ARMC3: variants seen among roughly 807,000 people sequenced by gnomAD.
ARMC3 encodes armadillo repeat-containing protein 3.
A neutral mutation model predicts 90.3 loss-of-function variants in ARMC3; 74 were observed. The ratio of observed to expected loss-of-function variants is 0.82; its 90% CI spans 0.68 to 0.99. The LOEUF (loss-of-function observed/expected upper bound fraction) is 0.99, where lower values mean the gene tolerates loss of function less well. ARMC3 is among the 50% of genes least tolerant of loss of function. ARMC3 has a pLI of 0.00. For synonymous variants in ARMC3, 334 were observed against 361.8 expected (o/e 0.92, Z 0.87); for missense variants, 958 against 1,042.8 (o/e 0.92, Z 1.12).
chr10:22,966,847 G>A (rs1446858670), intron 7 of ARMC3, among the ~76,000 whole-genome samples: 3 of 152,156 alleles, frequency 2.0e-5, no homozygotes, highest in East Asian at 1.9e-4. Flanking sequence ...AGAACAGCAC[G>A]GGGGAACTGC....
At position 22,998,178 on chromosome 10, in the gene ARMC3, A is replaced by G. The variant is rs1270267599; in HGVS notation, c.1206A>G (p.Pro402=). The G allele has an allele frequency of 1.1e-5, 18 of 1,613,982 alleles. No homozygotes were observed. Among genetic ancestry groups the G allele is most frequent in the Non-Finnish European group, 1.4e-5 (16 of 1,179,938 alleles). ...NAAAEADGID[P]LINLLSSKRD... is the part of the protein sequence containing the mutation. ...CTGCTGAAGCTGATGGTATTGATCC[A>G]TTAATAAACCTCCTGTCTAGTAAAC... is the stretch of plus-strand genomic sequence containing the variant. Residue 402 remains proline, a synonymous_variant, in exon 11 of 19, where the codon CCA becomes CCG. Transcript: ENST00000298032.
chr10:22,979,532 G>A (rs1028782674), intron 8 of ARMC3, among the ~76,000 whole-genome samples: 3 of 152,022 alleles, frequency 2.0e-5, no homozygotes, highest in South Asian at 2.1e-4. Flanking sequence ...TCCAAAGTTC[G>A]TTTTTTCAAA....
chr10:23,030,097 A>G (rs1263096715), intron 16 of ARMC3, among the ~76,000 whole-genome samples: 2 of 152,220 alleles, frequency 1.3e-5, no homozygotes, highest in Non-Finnish European at 2.9e-5. Flanking sequence ...CATAATATAT[A>G]TCAATCACAC....
intron 16 of ARMC3, chr10:23,014,280 A>G (rs1838165877): frequency 6.8e-7 from 1 of 1,465,964 alleles, no homozygotes. Context: ...GGTGTCAGGA[A>G]AGTGCCTGAC....
chr10:23,003,841 C>CAAAAA (rs34984819), intron 13 of ARMC3, among the ~76,000 whole-genome samples: 1 of 146,862 alleles, frequency 6.8e-6, no homozygotes. Context: ...AAGACCCTGT[C>CAAAAA]AAAAAAAAAA....
At chr10:22,998,537 G>A (rs1837122733) in intron 11 of ARMC3, 140 bp downstream of exon 11, 1 of 1,149,018 alleles carries the variant, frequency 8.7e-7, no homozygotes, top group East Asian at 2.6e-5. Context: ...AAACGAATTG[G>A]CATTGTCTTG....
chr10:23,010,381 T>TCCCCC (rs1837877606), intron 16 of ARMC3, among the ~76,000 whole-genome samples: 1 of 86,428 alleles, frequency 1.2e-5, no homozygotes. Flanking sequence ...CTTCCCTTCC[T>TCCCCC]TCCCCTCTCT....
chr10:23,022,934 G>A (rs575187575), intron 16 of ARMC3, among the ~76,000 whole-genome samples: 12 of 152,148 alleles, frequency 7.9e-5, no homozygotes, highest in African/African-American at 2.9e-4. Flanking sequence ...TGGGCAGGTG[G>A]GTGGAACCTG....
At chr10:22,939,239 G>C (rs1834226377) in intron 2 of ARMC3, among the ~76,000 whole-genome samples, 1 of 152,176 alleles carries the variant, frequency 6.6e-6, no homozygotes, top group Non-Finnish European at 1.5e-5. Context: ...GCTGCAGTTT[G>C]CAGGGTAGAG....
chr10:22,936,493 A>G (rs1293123748), intron 2 of ARMC3, among the ~76,000 whole-genome samples: 2 of 152,196 alleles, frequency 1.3e-5, no homozygotes, highest in African/African-American at 4.8e-5. Context: ...CTAGAAGCCT[A>G]TGGCCACTCT....
At chr10:22,948,982 C>T (rs920375254) in intron 3 of ARMC3, among the ~76,000 whole-genome samples, 2 of 152,170 alleles carry the variant, frequency 1.3e-5, no homozygotes, top group African/African-American at 2.4e-5. Flanking sequence ...TGCTCACATA[C>T]GGCTAGGAGT....
chr10:22,973,333 T>TAAA (rs1441429498), intron 8 of ARMC3, among the ~76,000 whole-genome samples: 1 of 143,730 alleles, frequency 7.0e-6, no homozygotes, highest in Admixed American at 7.0e-5. Context: ...ATAATAATAA[T>TAAA]AAATCCTAAC....
chr10:23,030,864 C>T (rs758834509), intron 17 of ARMC3, 68 bp downstream of exon 17: 68 of 1,516,326 alleles, frequency 4.5e-5, no homozygotes, highest in Non-Finnish European at 5.9e-5. Flanking sequence ...ACATTTTAGC[C>T]ATGTTTTAGA....
intron 10 of ARMC3, among the ~76,000 whole-genome samples, chr10:22,991,012 C>T (rs1315744257): frequency 6.6e-6 from 1 of 151,956 alleles, no homozygotes; most frequent in Non-Finnish European, 1.5e-5. Flanking sequence ...GCTTCCTCTG[C>T]CTCCTCCTCC....
intron 16 of ARMC3, among the ~76,000 whole-genome samples, chr10:23,012,167 G>A (rs1363837891): frequency 6.6e-6 from 1 of 152,052 alleles, no homozygotes; most frequent in Non-Finnish European, 1.5e-5. Context: ...ATCCTTCTGG[G>A]TGGGAACTCA....
intron 3 of ARMC3, among the ~76,000 whole-genome samples, chr10:22,949,116 C>T (rs1834645476): frequency 6.6e-6 from 1 of 151,924 alleles, no homozygotes; most frequent in South Asian, 2.1e-4. Flanking sequence ...GTTCTAGTAC[C>T]ACCTAGTAAA....
intron 18 of ARMC3, among the ~76,000 whole-genome samples, chr10:23,036,259 G>C (rs1839124386): frequency 6.6e-6 from 1 of 152,190 alleles, no homozygotes; most frequent in African/African-American, 2.4e-5. Flanking sequence ...TTCTTTACCA[G>C]TAGGTCTATG....
intron 2 of ARMC3, among the ~76,000 whole-genome samples, chr10:22,940,394 C>A (rs1834280891): frequency 6.6e-6 from 1 of 152,140 alleles, no homozygotes; most frequent in South Asian, 2.1e-4. Context: ...TTAACTAAGA[C>A]CTAAATAACT....
At chr10:23,022,550 C>T (rs1838553808) in intron 16 of ARMC3, among the ~76,000 whole-genome samples, 1 of 152,124 alleles carries the variant, frequency 6.6e-6, no homozygotes, top group Non-Finnish European at 1.5e-5. Context: ...CAGAAGGCCC[C>T]CCAGCCTAGC....
Sources: allele counts gnomAD v4.1 joint callset (sites outside exome capture counted in the v4.1 genomes callset), GRCh38; gene constraint gnomAD v4.1.1; transcripts MANE v1.5; gene names NCBI Gene and HGNC (gene_info 2026-07-23, HGNC 2026-07-21).